UBAP2L: variants seen among roughly 807,000 people sequenced by gnomAD.
UBAP2L encodes ubiquitin associated protein 2 like, also known as ubiquitin-associated protein 2-like.
Under a neutral mutation model 130.6 loss-of-function variants are expected in UBAP2L, and 12 were observed. The observed-to-expected ratio is 0.09, with a 90% confidence interval of 0.06 to 0.15. The LOEUF (loss-of-function observed/expected upper bound fraction) is 0.15. UBAP2L is among the 10% of genes least tolerant of loss of function. The pLI, the probability that UBAP2L is intolerant of heterozygous loss-of-function variation, is 1.00. For missense variants in UBAP2L, 965 were observed against 1,332.5 expected, an observed-to-expected ratio of 0.72 and a Z score of 4.29; for synonymous variants, 503 against 524.7, an observed-to-expected ratio of 0.96 and a Z score of 0.57.
At chr1:154,248,074 TCTC>T (rs950743417) in intron 11 of UBAP2L, among the ~76,000 whole-genome samples, 1 of 152,028 alleles carries the variant, frequency 6.6e-6, no homozygotes, top group African/African-American at 2.4e-5. Context: ...TTCAAGCAAT[TCTC>T]CTGCCTCAGC....
intron 4 of UBAP2L, among the ~76,000 whole-genome samples, chr1:154,229,121 T>C (rs921630483): frequency 1.3e-5 from 2 of 151,976 alleles, no homozygotes; most frequent in African/African-American, 4.8e-5. Context: ...TTTTATTTTA[T>C]TTTATTTATT....
chr1:154,254,558 A>G (rs1571883665), intron 15 of UBAP2L: 3 of 517,116 alleles, frequency 5.8e-6, no homozygotes, highest in Non-Finnish European at 1.0e-5. Flanking sequence ...CCTTTCCTCT[A>G]TCTGTTTTAG....
Position 154,270,782 on chromosome 1 carries a change from T to TTTA in UBAP2L, c.*489_*490insATT. ...TGGTTTTTTTTTTGTTTTTTTTTTT[T>TTTA]TTTTGTACTGTGTCCTCAAATTTAA... is the stretch of plus-strand genomic sequence containing the variant. On this transcript the variant is annotated 3_prime_UTR_variant, in exon 27 of 27. Transcript: ENST00000428931. 7.5e-7 allele frequency: 1 copy of TTTA among 1,327,656 alleles called. No individual in the cohort carries two copies. Among genetic ancestry groups the TTTA allele is most frequent in the South Asian group, 1.8e-5 (1 of 56,660 alleles). 82.2% of individuals were successfully genotyped at this position (1,327,656 alleles called of 1,614,324 possible).
In UBAP2L at chr1:154,270,771, T is replaced by TTTG. The variant is rs1553287909; in HGVS notation, c.*478_*479insGTT. 5 of 707,702 alleles carry TTTG rather than the reference T, an allele frequency of 7.1e-6. No individual in the cohort carries two copies. Among genetic ancestry groups the TTTG allele is most frequent in the Non-Finnish European group, 8.6e-6 (5 of 584,454 alleles). 43.8% of individuals were successfully genotyped at this position (707,702 alleles called of 1,614,324 possible). A position where few individuals can be genotyped will look rare whatever the true frequency, so the allele number is the denominator to read the frequency against. ...ATTAGTTGAAGTGGTTTTTTTTTTG[T>TTTG]TTTTTTTTTTTTTTTGTACTGTGTC... On this transcript the variant is annotated 3_prime_UTR_variant, in exon 27 of 27. Transcript: ENST00000428931.
At chr1:154,259,162 T>A in intron 21 of UBAP2L, 132 bp downstream of exon 21, 1 of 783,874 alleles carries the variant, frequency 1.3e-6, no homozygotes, top group Non-Finnish European at 2.1e-6. Context: ...CATATTAGAA[T>A]ATAGGGATTT....
chr1:154,253,033 T>C (rs922747409), intron 14 of UBAP2L, among the ~76,000 whole-genome samples: 5 of 152,080 alleles, frequency 3.3e-5, no homozygotes, highest in Non-Finnish European at 5.9e-5. Context: ...GACAGAGTCT[T>C]GCTCTTGTCA....
At position 154,247,968 on chromosome 1, in the gene UBAP2L, A is replaced by ATT. The variant is rs201114755; in HGVS notation, c.1015-1266_1015-1265dup. On this transcript the variant is annotated intron_variant, in intron 11 of 26. Coordinates refer to ENST00000428931, the MANE Select transcript of UBAP2L (RefSeq NM_014847.4). The stretch of plus-strand genomic sequence containing the variant: ...TTTTAATTGTTTTTATTTTTTATTT[A>ATT]TTTTTTATTTTTTTTTGAGACAGAG... 2.1e-3 allele frequency among the ~76,000 whole-genome samples: 304 copies of ATT among 147,442 alleles called. 3 individuals are homozygous for ATT. The highest frequency in any genetic ancestry group is 5.3e-3 in the South Asian group (24 of 4,566).
intron 23 of UBAP2L, 51 bp downstream of exon 23, chr1:154,261,160 A>T (rs971081678): frequency 4.5e-6 from 7 of 1,564,880 alleles, no homozygotes; most frequent in Non-Finnish European, 6.1e-6. Context: ...CTAGCCCTGG[A>T]CACTATCCTA....
chr1:154,234,218 C>T (rs1035228944), intron 4 of UBAP2L, among the ~76,000 whole-genome samples: 2 of 151,966 alleles, frequency 1.3e-5, no homozygotes, highest in Non-Finnish European at 2.9e-5. Context: ...CAAAAATTAG[C>T]CGGGCATGGT....
Position 154,270,718 on chromosome 1 carries a change from C to T in UBAP2L, c.*423C>T, listed in dbSNP as rs976995095. 384 of 1,398,444 alleles carry T rather than the reference C, an allele frequency of 2.7e-4. No individual in the cohort carries two copies. Among genetic ancestry groups the T allele is most frequent in the Non-Finnish European group, 3.5e-4 (374 of 1,082,592 alleles). The allele number at this position is 1,398,444 out of a possible 1,614,324, so 86.6% of individuals were successfully genotyped here. A position where few individuals can be genotyped will look rare whatever the true frequency, so the allele number is the denominator to read the frequency against. ...ACAACAACAAACAAAAAAATGGCGT[C>T]ATGAATATGAACAGCATTGTCAGAT... is the stretch of plus-strand genomic sequence containing the variant. On this transcript the variant is annotated 3_prime_UTR_variant, in exon 27 of 27. Transcript: ENST00000428931.
intron 24 of UBAP2L, among the ~76,000 whole-genome samples, chr1:154,262,114 G>GT (rs1558225847): frequency 6.6e-6 from 1 of 152,204 alleles, no homozygotes; most frequent in Admixed American, 6.5e-5. Flanking sequence ...CCTACGATAG[G>GT]TTTGGCTTAA....
chr1:154,268,835 G>T lies in UBAP2L; in HGVS notation c.3049G>T (p.Gly1017Cys). The change falls in exon 26 of 27, where the codon GGC becomes TGC. Residue 1017 changes from glycine to cysteine, a missense_variant. By Grantham distance (159) the Gly-to-Cys change is radical (BLOSUM62 -3). Transcript: ENST00000428931. ...FNLPSALGSG[G>C]PINPATAAAY... Reference sequence around the variant, plus strand: ...CTTGCCTTCAGCCCTAGGAAGTGGGGGCCCCATCAATCCGGCCACAGCTGC... The same window carrying T: ...CTTGCCTTCAGCCCTAGGAAGTGGGTGCCCCATCAATCCGGCCACAGCTGC... 2 of 1,614,076 alleles carry T rather than the reference G, an allele frequency of 1.2e-6. No homozygotes were observed. The highest frequency in any genetic ancestry group is 1.7e-6 in the Non-Finnish European group (2 of 1,180,022).
At chr1:154,241,144 A>G (rs1255114253) in intron 8 of UBAP2L, among the ~76,000 whole-genome samples, 1 of 151,890 alleles carries the variant, frequency 6.6e-6, no homozygotes, top group East Asian at 1.9e-4. Context: ...GCTGGAGTGC[A>G]ATGCCGCGAT....
chr1:154,248,495 T>A (rs1164155279), intron 11 of UBAP2L, among the ~76,000 whole-genome samples: 1 of 152,194 alleles, frequency 6.6e-6, no homozygotes, highest in Non-Finnish European at 1.5e-5. Flanking sequence ...AATCTTATAT[T>A]ACATTTATGT....
At chr1:154,240,843 A>C (rs972500253) in intron 8 of UBAP2L, among the ~76,000 whole-genome samples, 7 of 151,580 alleles carry the variant, frequency 4.6e-5, no homozygotes, top group Admixed American at 1.3e-4. Context: ...GTTATGGTTT[A>C]AATTGGCTGC....
intron 2 of UBAP2L, 34 bp from the exon 3 acceptor site, chr1:154,227,248 G>C (rs1484029548): frequency 3.8e-6 from 6 of 1,588,388 alleles, no homozygotes; most frequent in African/African-American, 1.3e-5. Context: ...GTTGCCTCAT[G>C]ATTATGCTTT....
At position 154,234,690 on chromosome 1, in the gene UBAP2L, G is replaced by A. The variant is rs1476819045; in HGVS notation, c.379G>A (p.Asp127Asn). 2 of 1,613,916 alleles carry A rather than the reference G, an allele frequency of 1.2e-6. No individual in the cohort carries two copies. Residue 127 changes from aspartate to asparagine, a missense_variant, in exon 5 of 27, where the codon GAC becomes AAC. This residue lies in a region of UBAP2L where 109 missense variants were observed against 146.6 expected (regional missense o/e 0.74). Coordinates refer to ENST00000428931, the MANE Select transcript of UBAP2L (RefSeq NM_014847.4). ...NEEGKENRDR[D>N]RDYSRRRGGP... Reference sequence around the variant, plus strand: ...GGAAGGCAAAGAAAATCGAGACCGGGACAGAGACTATAGTCGGCGACGTGG... The same window carrying A: ...GGAAGGCAAAGAAAATCGAGACCGGAACAGAGACTATAGTCGGCGACGTGG...
At chr1:154,271,027 T>A, downstream of UBAP2L, 1 of 1,370,674 alleles carries the variant, frequency 7.3e-7, no homozygotes. Flanking sequence ...TAGTAGTATC[T>A]TGTCCTTGAG....
intron 6 of UBAP2L, among the ~76,000 whole-genome samples, chr1:154,236,149 AC>A (rs1271351741): frequency 6.6e-6 from 1 of 152,192 alleles, no homozygotes; most frequent in Admixed American, 6.5e-5. Flanking sequence ...GAGAGAAAGA[AC>A]ATCTGATAGT....
Sources: allele counts gnomAD v4.1 joint callset (sites outside exome capture counted in the v4.1 genomes callset), GRCh38; gene constraint gnomAD v4.1.1; regional missense constraint gnomAD v4.1.1; transcripts MANE v1.5; gene names NCBI Gene and HGNC (gene_info 2026-07-23, HGNC 2026-07-21).